Variants in ATXN1 observed in about 807,000 individuals in gnomAD.
The protein encoded by ATXN1 is ataxin 1.
ATXN1 carries 8 observed loss-of-function variants against 56.4 expected under a neutral mutation model. That is an observed-to-expected ratio of 0.14 (90% CI 0.08 to 0.26). The LOEUF (loss-of-function observed/expected upper bound fraction) is 0.26, where lower values mean the gene tolerates loss of function less well. Ranked by LOEUF, ATXN1 falls within the 10% of genes least tolerant of loss-of-function variation. The probability of loss-of-function intolerance (pLI) is 1.00; values close to 1 mark genes in which losing one functional copy is unlikely to be tolerated. For missense variants in ATXN1, 987 were observed against 1,106.5 expected, an observed-to-expected ratio of 0.89 and a Z score of 1.53; for synonymous variants, 514 against 494.6, an observed-to-expected ratio of 1.04 and a Z score of -0.52.
intron 3 of ATXN1, among the ~76,000 whole-genome samples, chr6:16,619,877 T>C (rs1763286411): frequency 7.1e-6 from 1 of 141,034 alleles, no homozygotes; most frequent in Non-Finnish European, 1.5e-5. Flanking sequence ...ACTCCGTCTC[T>C]AAGGGAAAAA....
intron 6 of ATXN1, among the ~76,000 whole-genome samples, chr6:16,336,379 T>C (rs771307345): frequency 5.9e-5 from 9 of 152,144 alleles, no homozygotes; most frequent in Non-Finnish European, 1.3e-4. Flanking sequence ...CTCTGCACCA[T>C]GTTGACTAAT....
At chr6:16,337,918 G>A (rs1451728006) in intron 6 of ATXN1, among the ~76,000 whole-genome samples, 1 of 152,218 alleles carries the variant, frequency 6.6e-6, no homozygotes, top group African/African-American at 2.4e-5. Context: ...TCAGGAGGAT[G>A]AGAACCTGTC....
chr6:16,313,760 C>T (rs944041284), intron 7 of ATXN1, among the ~76,000 whole-genome samples: 2 of 152,016 alleles, frequency 1.3e-5, no homozygotes, highest in African/African-American at 2.4e-5. Context: ...GTTTCATTCA[C>T]CATGTTGGCC....
intron 3 of ATXN1, among the ~76,000 whole-genome samples, chr6:16,629,479 C>T (rs1763466825): frequency 6.6e-6 from 1 of 152,122 alleles, no homozygotes; most frequent in Admixed American, 6.5e-5. Context: ...AGGCACTCGC[C>T]ACCAGCCCAG....
At chr6:16,650,177 A>G (rs747961978) in intron 3 of ATXN1, among the ~76,000 whole-genome samples, 17 of 152,214 alleles carry the variant, frequency 1.1e-4, no homozygotes, top group Non-Finnish European at 2.4e-4. Context: ...AAGAAACAAC[A>G]GGGACAGGTG....
At position 16,306,365 on chromosome 6, in the gene ATXN1, C is replaced by A; in HGVS notation, c.2412G>T (p.Lys804Asn). Residue 804 changes from lysine (K) to asparagine (N), a missense_variant, in exon 8 of 8, where the codon AAG becomes AAT. Coordinates refer to ENST00000436367, the MANE Select transcript of ATXN1 (RefSeq NM_001128164.2). This position sits in a 1 kb window ranked among gnomAD's most constrained non-coding sequence, Gnocchi z 5.2. The stretch of plus-strand genomic sequence containing the variant: ...CATTAGACCGGCCTTCAATGCAAAT[C>A]TTAACCTCCTGAGGAATTAGAGAAG... ...PKPSLIPQEV[K>N]ICIEGRSNVG... 1 of 1,613,132 alleles carries A rather than the reference C, an allele frequency of 6.2e-7. No individual in the cohort carries two copies. Among genetic ancestry groups the A allele is most frequent in the Non-Finnish European group, 8.5e-7 (1 of 1,179,614 alleles).
At chr6:16,750,501 A>G (rs956528145) in intron 2 of ATXN1, among the ~76,000 whole-genome samples, 1 of 152,228 alleles carries the variant, frequency 6.6e-6, no homozygotes, top group African/African-American at 2.4e-5. Flanking sequence ...TGAGCCGTCA[A>G]TCGTGAGGAC....
chr6:16,519,977 G>A (rs562491752), intron 5 of ATXN1, among the ~76,000 whole-genome samples: 2 of 152,336 alleles, frequency 1.3e-5, no homozygotes, highest in Admixed American at 1.3e-4. Context: ...TATCAGGGCT[G>A]CCCTCATCCT....
intron 2 of ATXN1, among the ~76,000 whole-genome samples, chr6:16,729,846 C>T (rs1759928752): frequency 2.0e-5 from 3 of 152,176 alleles, no homozygotes; most frequent in East Asian, 3.8e-4. Context: ...ACATCAGTCA[C>T]GTAGGGTACT....
chr6:16,697,403 C>T (rs1232281284), intron 2 of ATXN1, among the ~76,000 whole-genome samples: 1 of 152,096 alleles, frequency 6.6e-6, no homozygotes, highest in Admixed American at 6.5e-5. Flanking sequence ...TAAGGAGACG[C>T]CATTTAGAAT....
intron 7 of ATXN1, among the ~76,000 whole-genome samples, chr6:16,309,754 C>T (rs1561845061): frequency 6.6e-6 from 1 of 152,032 alleles, no homozygotes; most frequent in East Asian, 1.9e-4. Context: ...CTAGAACAGG[C>T]TGGGTGTGGT....
chr6:16,473,960 T>C (rs1201068483), intron 6 of ATXN1, among the ~76,000 whole-genome samples: 1 of 152,214 alleles, frequency 6.6e-6, no homozygotes, highest in Non-Finnish European at 1.5e-5. Context: ...TCTCTACACA[T>C]CTCATTGATC....
intron 6 of ATXN1, among the ~76,000 whole-genome samples, chr6:16,356,958 G>A (rs904022688): frequency 6.6e-6 from 1 of 152,144 alleles, no homozygotes; most frequent in African/African-American, 2.4e-5. Flanking sequence ...GAGGACTGTG[G>A]TGACAATCAG....
At chr6:16,348,285 A>C (rs1761480531) in intron 6 of ATXN1, among the ~76,000 whole-genome samples, 1 of 152,154 alleles carries the variant, frequency 6.6e-6, no homozygotes, top group Non-Finnish European at 1.5e-5. Context: ...GGCTGGTCTC[A>C]AACTCCTGGG....
chr6:16,325,189 C>T (rs1470885058), intron 7 of ATXN1, among the ~76,000 whole-genome samples: 1 of 151,628 alleles, frequency 6.6e-6, no homozygotes, highest in African/African-American at 2.4e-5. Context: ...CTGATCTCGG[C>T]TCACTGCAAT....
intron 6 of ATXN1, among the ~76,000 whole-genome samples, chr6:16,451,709 C>A (rs1465094899): frequency 6.6e-6 from 1 of 151,544 alleles, no homozygotes; most frequent in African/African-American, 2.4e-5. Context: ...GAGCCAAGAT[C>A]GTGCCATTGC....
chr6:16,528,884 A>T (rs1433477455), intron 4 of ATXN1, among the ~76,000 whole-genome samples: 1 of 152,218 alleles, frequency 6.6e-6, no homozygotes, highest in Non-Finnish European at 1.5e-5. Context: ...ACAAACAAAA[A>T]ATAAGCACTT....
intron 6 of ATXN1, among the ~76,000 whole-genome samples, chr6:16,361,903 G>T (rs2113476120): frequency 6.6e-6 from 1 of 152,304 alleles, no homozygotes; most frequent in East Asian, 1.9e-4. Flanking sequence ...CCTTCTTGAG[G>T]CTGTGGGCAT....
intron 6 of ATXN1, among the ~76,000 whole-genome samples, chr6:16,434,960 C>A (rs1759357655): frequency 6.6e-6 from 1 of 152,086 alleles, no homozygotes; most frequent in African/African-American, 2.4e-5. Context: ...GGTTTTAGGA[C>A]TAGAATGGTG....
Sources: allele counts gnomAD v4.1 joint callset (sites outside exome capture counted in the v4.1 genomes callset), GRCh38; gene constraint gnomAD v4.1.1; non-coding constraint Gnocchi (gnomAD v3.1); transcripts MANE v1.5; gene names NCBI Gene and HGNC (gene_info 2026-07-23, HGNC 2026-07-21).